Variants in PSPC1 observed in about 807,000 individuals in gnomAD.
PSPC1 encodes paraspeckle protein 1.
In PSPC1, 14 loss-of-function variants were observed where a neutral mutation model predicts 51.6. The ratio of observed to expected loss-of-function variants is 0.27; its 90% CI spans 0.18 to 0.42. The LOEUF (loss-of-function observed/expected upper bound fraction) is 0.42. Ranked by LOEUF, PSPC1 falls within the 10% of genes least tolerant of loss-of-function variation. The probability of loss-of-function intolerance (pLI) is 1.00; values close to 1 mark genes in which losing one functional copy is unlikely to be tolerated. For synonymous variants in PSPC1, 193 were observed against 231.9 expected (o/e 0.83, Z 1.53); for missense variants, 406 against 701.1 (o/e 0.58, Z 4.75).
In PSPC1 at chr13:19,685,215, C is replaced by A. The variant is rs915399706; in HGVS notation, c.1159-7392G>T. Among the ~76,000 whole-genome samples, 13 of 152,204 alleles carry A rather than the reference C, an allele frequency of 8.5e-5. 1 individual carries two copies. The highest frequency in any genetic ancestry group is 8.5e-4 in the Admixed American group (13 of 15,286). On this transcript the variant is annotated intron_variant and NMD_transcript_variant, in intron 6 of 7. Transcript: ENST00000471658. ...GCATGGCACTGCGCCACATCAGAGC[C>A]CAGCCCAACCTTTGGCCCTTGGTAA...
At chr13:19,712,145 C>T (rs1054149289) in intron 6 of PSPC1, among the ~76,000 whole-genome samples, 1 of 152,070 alleles carries the variant, frequency 6.6e-6, no homozygotes, top group African/African-American at 2.4e-5. Context: ...GGTTACACAC[C>T]AGCACCATCG....
chr13:19,742,363 G>T (rs1456336654), intron 4 of PSPC1, among the ~76,000 whole-genome samples: 2 of 152,048 alleles, frequency 1.3e-5, no homozygotes, highest in East Asian at 1.9e-4. Flanking sequence ...CAGCACTTTG[G>T]GAGGCCGAGG....
intron 6 of PSPC1, among the ~76,000 whole-genome samples, chr13:19,688,289 C>T (rs1437601531): frequency 1.3e-5 from 2 of 152,110 alleles, no homozygotes; most frequent in East Asian, 3.8e-4. Context: ...TACTACTGAA[C>T]TGTACACATA....
At chr13:19,777,316 G>A (rs893161607) in intron 1 of PSPC1, among the ~76,000 whole-genome samples, 2 of 149,438 alleles carry the variant, frequency 1.3e-5, no homozygotes, top group African/African-American at 4.9e-5. Context: ...TGTAATTCCA[G>A]CTACTCCAGA....
At chr13:19,752,336 T>C (rs1886638986) in intron 3 of PSPC1, among the ~76,000 whole-genome samples, 1 of 152,178 alleles carries the variant, frequency 6.6e-6, no homozygotes, top group Admixed American at 6.5e-5. Context: ...AGTATATACA[T>C]TTAATATACA....
downstream of PSPC1, chr13:19,671,859 G>C: frequency 1.9e-6 from 3 of 1,614,162 alleles, no homozygotes; most frequent in African/African-American, 1.3e-5. Flanking sequence ...GGTGCATACA[G>C]AGTGCAGCTG....
intron 6 of PSPC1, among the ~76,000 whole-genome samples, chr13:19,715,051 C>T (rs1001572384): frequency 2.6e-5 from 4 of 152,122 alleles, no homozygotes; most frequent in African/African-American, 7.2e-5. Flanking sequence ...TCCCACTACA[C>T]TAAAGGGAAC....
chr13:19,676,513 C>T (rs1443147619), intron 7 of PSPC1, among the ~76,000 whole-genome samples: 1 of 152,226 alleles, frequency 6.6e-6, no homozygotes, highest in Non-Finnish European at 1.5e-5. Flanking sequence ...CTACAGAATA[C>T]ATCAGTGCAT....
At chr13:19,717,271 T>C (rs927958512) in intron 6 of PSPC1, among the ~76,000 whole-genome samples, 1 of 150,890 alleles carries the variant, frequency 6.6e-6, no homozygotes, top group African/African-American at 2.4e-5. Flanking sequence ...TCTTTTCTAA[T>C]AAAAGTAAAC....
chr13:19,697,417 C>T (rs758010265), intron 6 of PSPC1, among the ~76,000 whole-genome samples: 20 of 152,130 alleles, frequency 1.3e-4, no homozygotes, highest in Non-Finnish European at 2.6e-4. Context: ...AGAAAACTAA[C>T]CAATACACAG....
chr13:19,713,035 T>C (rs1173992593), intron 6 of PSPC1, among the ~76,000 whole-genome samples: 2 of 152,164 alleles, frequency 1.3e-5, no homozygotes, highest in Non-Finnish European at 2.9e-5. Flanking sequence ...ACTAAATCTA[T>C]CAAATATTAA....
At chr13:19,771,289 C>T (rs1888601674) in intron 2 of PSPC1, among the ~76,000 whole-genome samples, 1 of 152,164 alleles carries the variant, frequency 6.6e-6, no homozygotes, top group African/African-American at 2.4e-5. Flanking sequence ...AGGCACGCAG[C>T]ACCAAGCCCG....
intron 2 of PSPC1, among the ~76,000 whole-genome samples, chr13:19,767,491 G>A (rs1888185557): frequency 6.6e-6 from 1 of 151,768 alleles, no homozygotes; most frequent in African/African-American, 2.4e-5. Flanking sequence ...CATACAATAA[G>A]CAAATACAAA....
chr13:19,699,719 T>A (rs1018685033), downstream of PSPC1, among the ~76,000 whole-genome samples: 3 of 151,774 alleles, frequency 2.0e-5, no homozygotes, highest in South Asian at 2.1e-4. Context: ...TAGTTTGCCA[T>A]CCCCCCAAAA....
Position 19,782,924 on chromosome 13 carries a change from G to T in PSPC1, c.-167C>A. On this transcript the variant is annotated 5_prime_UTR_variant, in exon 1 of 9. An upstream open reading frame in the 5' UTR gains an earlier in-frame stop. Transcript: ENST00000338910. The surrounding 1 kb of genome is among the most constrained non-coding windows in gnomAD (Gnocchi z 4.5). ...CGTCCTCCCCCAACTCACGCCCGCT[G>T]CAGCTGCACATTCAAAATGGCGCTG... 1 of 648,810 alleles carries T rather than the reference G, an allele frequency of 1.5e-6. No individual in the cohort carries two copies. The highest frequency in any genetic ancestry group is 2.3e-6 in the Non-Finnish European group (1 of 432,912). The allele number at this position is 648,810 out of a possible 1,614,324, so 40.2% of individuals were successfully genotyped here. A position where few individuals can be genotyped will look rare whatever the true frequency, so the allele number is the denominator to read the frequency against.
At chr13:19,714,141 C>A (rs1400717064) in intron 6 of PSPC1, among the ~76,000 whole-genome samples, 2 of 152,124 alleles carry the variant, frequency 1.3e-5, no homozygotes, top group Non-Finnish European at 2.9e-5. Flanking sequence ...ATGTTCTTCA[C>A]AATAAAACAG....
chr13:19,731,791 A>G (rs560835720), intron 5 of PSPC1, among the ~76,000 whole-genome samples: 4 of 152,312 alleles, frequency 2.6e-5, no homozygotes, highest in African/African-American at 9.6e-5. Context: ...CTCACCTGGT[A>G]AACACAATGC....
At chr13:19,763,236 G>C (rs911541712) in intron 2 of PSPC1, among the ~76,000 whole-genome samples, 2 of 152,084 alleles carry the variant, frequency 1.3e-5, no homozygotes, top group East Asian at 3.8e-4. Context: ...GCTCACTGCA[G>C]CCTCAACCTC....
At chr13:19,715,278 T>C (rs754310036) in intron 6 of PSPC1, among the ~76,000 whole-genome samples, 3 of 152,200 alleles carry the variant, frequency 2.0e-5, no homozygotes, top group Non-Finnish European at 4.4e-5. Flanking sequence ...GCAGTCAGTT[T>C]TCTTTCATGA....
Sources: gnomAD v4.1 joint callset for allele counts (sites outside exome capture counted in the v4.1 genomes callset) on GRCh38, gnomAD v4.1.1 for gene constraint, Gnocchi (gnomAD v3.1) non-coding constraint, MANE v1.5 for transcripts, NCBI Gene and HGNC (gene_info 2026-07-23, HGNC 2026-07-21) for gene names.